Variants in SGK1 observed in about 807,000 individuals in gnomAD.
SGK1 encodes the protein serum/glucocorticoid regulated kinase 1.
SGK1 carries 26 observed loss-of-function variants against 64.2 expected under a neutral mutation model. The observed-to-expected ratio is 0.40, with a 90% CI of 0.30 to 0.56. SGK1 has a LOEUF of 0.56. Among genes scored for constraint, SGK1 ranks in the 20% least tolerant of loss-of-function variants. The pLI is 0.38. For missense variants in SGK1, 519 were observed against 645.6 expected, an observed-to-expected ratio of 0.80 and a Z score of 2.12; for synonymous variants, 265 against 239.7, an observed-to-expected ratio of 1.11 and a Z score of -0.98.
chr6:134,190,110 A>G (rs1775485299), intron 3 of SGK1, among the ~76,000 whole-genome samples: 1 of 152,180 alleles, frequency 6.6e-6, no homozygotes, highest in South Asian at 2.1e-4. Context: ...TTGGCCTCCC[A>G]AAGTGCTGGA....
In SGK1 at chr6:134,210,811, CAAAAAAAA is replaced by C. The variant is rs60820086; in HGVS notation, c.286-3388_286-3381del. On this transcript the variant is annotated intron_variant, in intron 2 of 13. Coordinates refer to ENST00000367858, the MANE Select transcript of SGK1 (RefSeq NM_001143676.3). ...TGGGCGACAGAGCAAGACTCCGTCTCAAAAAAAAAAAAAAAAAAAAAAATTTTAAAAGG... is the reference window on the plus strand; with the variant it reads ...TGGGCGACAGAGCAAGACTCCGTCTCAAAAAAAAAAAAAAATTTTAAAAGG... 6.7e-3 allele frequency among the ~76,000 whole-genome samples: 338 copies of C among 50,810 alleles called. 1 individual carries two copies. The highest frequency in any genetic ancestry group is 0.021 in the African/African-American group (312 of 15,146). The allele number at this position is 50,810 out of a possible 152,430, so 33.3% of individuals were successfully genotyped here.
intron 3 of SGK1, among the ~76,000 whole-genome samples, chr6:134,189,805 C>T (rs919897682): frequency 2.6e-5 from 4 of 151,872 alleles, no homozygotes; most frequent in Non-Finnish European, 5.9e-5. Context: ...GAAGTATTCC[C>T]TTTTCTCTCT....
chr6:134,243,994 A>C (rs781433768), intron 2 of SGK1, among the ~76,000 whole-genome samples: 1 of 152,296 alleles, frequency 6.6e-6, no homozygotes, highest in East Asian at 1.9e-4. Flanking sequence ...TTTTAAAATT[A>C]TACTTCAAGT....
intron 1 of SGK1, among the ~76,000 whole-genome samples, chr6:134,312,188 C>T (rs1777618603): frequency 6.6e-6 from 1 of 152,214 alleles, no homozygotes; most frequent in African/African-American, 2.4e-5. Flanking sequence ...CTCTGACCCT[C>T]AGTTTCCTTG....
intron 3 of SGK1, among the ~76,000 whole-genome samples, chr6:134,175,324 G>A (rs929833560): frequency 1.9e-4 from 29 of 152,118 alleles, no homozygotes; most frequent in African/African-American, 6.8e-4. Flanking sequence ...TCCTGCGGCC[G>A]GACTCCCACC....
chr6:134,313,911 C>CT (rs1374470857), intron 1 of SGK1, among the ~76,000 whole-genome samples: 4 of 152,128 alleles, frequency 2.6e-5, no homozygotes, highest in African/African-American at 9.7e-5. Flanking sequence ...AATGGATTAC[C>CT]TTTAGCTGGA....
intron 2 of SGK1, among the ~76,000 whole-genome samples, chr6:134,251,742 T>C (rs1429759245): frequency 1.3e-5 from 2 of 152,146 alleles, no homozygotes; most frequent in African/African-American, 4.8e-5. Flanking sequence ...TGACTTGAAT[T>C]GTGTCTCTCT....
At chr6:134,222,685 C>T (rs1043358376) in intron 2 of SGK1, among the ~76,000 whole-genome samples, 10 of 152,038 alleles carry the variant, frequency 6.6e-5, no homozygotes, top group African/African-American at 2.4e-4. Context: ...AGATTATTGT[C>T]TATGACTATA....
At chr6:134,215,225 C>T (rs1483492958) in intron 2 of SGK1, 6 of 387,922 alleles carry the variant, frequency 1.5e-5, no homozygotes, top group South Asian at 5.9e-5. Context: ...AAGCAATTCT[C>T]GTGCCTCAGC....
intron 1 of SGK1, among the ~76,000 whole-genome samples, chr6:134,300,626 T>C (rs575357540): frequency 3.4e-5 from 5 of 145,090 alleles, no homozygotes; most frequent in African/African-American, 7.5e-5. Context: ...TAAAAATAAA[T>C]GTTTGGTTTT....
chr6:134,251,239 A>G (rs1267978874), intron 2 of SGK1, among the ~76,000 whole-genome samples: 1 of 152,258 alleles, frequency 6.6e-6, no homozygotes, highest in Non-Finnish European at 1.5e-5. Flanking sequence ...TGCAAAAAAA[A>G]TGAATTGGCA....
intron 3 of SGK1, among the ~76,000 whole-genome samples, chr6:134,186,572 A>T (rs191927468): frequency 8.5e-5 from 13 of 152,294 alleles, no homozygotes; most frequent in Admixed American, 8.5e-4. Flanking sequence ...CATAGCTGGT[A>T]TTTATAACTA....
intron 3 of SGK1, 50 bp from the exon 4 acceptor site, chr6:134,174,636 G>T: frequency 6.2e-7 from 1 of 1,602,512 alleles, no homozygotes; most frequent in Non-Finnish European, 8.6e-7. Flanking sequence ...GCTTCATAAC[G>T]TCCGGCGCCA....
In SGK1 at chr6:134,268,513, T is replaced by G. The variant is rs111973401; in HGVS notation, c.70-6365A>C. Among the ~76,000 whole-genome samples, 1,274 of 151,416 alleles carry G rather than the reference T, an allele frequency of 8.4e-3. 17 individuals carry two copies. The highest frequency in any genetic ancestry group is 0.029 in the African/African-American group (1,186 of 41,376). On this transcript the variant is annotated intron_variant, in intron 1 of 13. Transcript: ENST00000367858. The stretch of plus-strand genomic sequence containing the variant: ...GGAGGCGGGCGGATCACGAGGTCAG[T>G]AGATCGAGACCATCCTGGCTAACAC...
chr6:134,285,526 G>T (rs1284769200), intron 1 of SGK1, among the ~76,000 whole-genome samples: 6 of 145,852 alleles, frequency 4.1e-5, no homozygotes, highest in Non-Finnish European at 9.0e-5. Context: ...ATCCGCACCA[G>T]CATCAATTTT....
intron 2 of SGK1, among the ~76,000 whole-genome samples, chr6:134,225,483 T>TA (rs796913412): frequency 3.3e-5 from 5 of 152,218 alleles, no homozygotes; most frequent in African/African-American, 1.2e-4. Context: ...TAACTGTCTC[T>TA]AAAAAGAGGA....
intron 1 of SGK1, among the ~76,000 whole-genome samples, chr6:134,291,306 G>T (rs529354749): frequency 1.6e-4 from 25 of 152,238 alleles, no homozygotes; most frequent in Non-Finnish European, 2.2e-4. Context: ...GGAGGCTGTT[G>T]AACTAAGCTC....
chr6:134,250,041 C>T (rs569838804), intron 2 of SGK1, among the ~76,000 whole-genome samples: 2 of 152,278 alleles, frequency 1.3e-5, no homozygotes, highest in African/African-American at 4.8e-5. Context: ...TGCCAAGTTC[C>T]TGAATTTTTT....
chr6:134,298,485 C>T (rs372653532), intron 1 of SGK1: 27 of 809,184 alleles, frequency 3.3e-5, no homozygotes, highest in East Asian at 3.2e-4. Context: ...GCTCAGCAGG[C>T]TCTGGTTGAC....
Sources: gnomAD v4.1 joint callset for allele counts (sites outside exome capture counted in the v4.1 genomes callset) on GRCh38, gnomAD v4.1.1 for gene constraint, MANE v1.5 for transcripts, NCBI Gene and HGNC (gene_info 2026-07-23, HGNC 2026-07-21) for gene names.